Variants in PCM1 observed in about 807,000 individuals in gnomAD.
PCM1 encodes the protein pericentriolar material 1.
Under a neutral mutation model 241.9 loss-of-function variants are expected in PCM1, and 157 were observed. The observed-to-expected ratio is 0.65, with a 90% CI of 0.57 to 0.74. The LOEUF (loss-of-function observed/expected upper bound fraction) is 0.74, where lower values mean the gene tolerates loss of function less well. Ranked by LOEUF, PCM1 falls within the 30% of genes least tolerant of loss-of-function variation. The pLI is 0.00. For missense variants in PCM1, 3,478 were observed against 2,360.1 expected, an observed-to-expected ratio of 1.47 and a Z score of -9.81; for synonymous variants, 1,085 against 784.9, an observed-to-expected ratio of 1.38 and a Z score of -6.39.
intron 18 of PCM1, 58 bp downstream of exon 18, chr8:17,964,826 G>A: frequency 7.7e-7 from 1 of 1,294,508 alleles, no homozygotes; most frequent in Non-Finnish European, 1.1e-6. Context: ...CTTTTTGACT[G>A]ACAGCAAGCA....
At chr8:17,944,017 A>G (rs556623774) in intron 6 of PCM1, among the ~76,000 whole-genome samples, 1 of 152,204 alleles carries the variant, frequency 6.6e-6, no homozygotes. Flanking sequence ...AGATGTCAGA[A>G]GAAGGCAAAA....
At chr8:17,961,735 A>G (rs1030830400) in intron 15 of PCM1, among the ~76,000 whole-genome samples, 1 of 152,072 alleles carries the variant, frequency 6.6e-6, no homozygotes, top group South Asian at 2.1e-4. Flanking sequence ...CTTATCTCCA[A>G]TCTAAATAAT....
At chr8:17,950,845 A>C in intron 8 of PCM1, 121 bp downstream of exon 8, 1 of 662,350 alleles carries the variant, frequency 1.5e-6, no homozygotes, top group Non-Finnish European at 2.6e-6. Flanking sequence ...TAGGTTTCTG[A>C]TTGGTGGGGT....
At chr8:17,964,293 T>C (rs997083146) in intron 17 of PCM1, among the ~76,000 whole-genome samples, 1 of 152,040 alleles carries the variant, frequency 6.6e-6, no homozygotes, top group Non-Finnish European at 1.5e-5. Context: ...CTCAAGCAAA[T>C]GTTAAGGGTA....
intron 13 of PCM1, among the ~76,000 whole-genome samples, chr8:17,959,793 A>G (rs2070777862): frequency 6.6e-6 from 1 of 152,180 alleles, no homozygotes; most frequent in Non-Finnish European, 1.5e-5. Flanking sequence ...CAAATTTCCC[A>G]ATTATAAGAA....
At chr8:17,958,354 C>T (rs1586816455) in intron 13 of PCM1, among the ~76,000 whole-genome samples, 2 of 152,000 alleles carry the variant, frequency 1.3e-5, no homozygotes, top group South Asian at 4.1e-4. Context: ...AAAGTTAGAA[C>T]TATTAATCAT....
intron 3 of PCM1, among the ~76,000 whole-genome samples, chr8:17,936,111 C>G (rs904415442): frequency 4.6e-5 from 7 of 152,184 alleles, no homozygotes; most frequent in Admixed American, 4.6e-4. Flanking sequence ...TATACTGTGG[C>G]TGTCCCATTG....
chr8:18,013,735 C>T (rs2092800782), intron 34 of PCM1: 2 of 433,112 alleles, frequency 4.6e-6, no homozygotes, highest in Non-Finnish European at 4.0e-6. Flanking sequence ...CTGTTCGTTC[C>T]AGTTGTATTA....
At chr8:17,924,003 T>TTTCG (rs1175304659) in intron 1 of PCM1, among the ~76,000 whole-genome samples, 15 of 81,330 alleles carry the variant, frequency 1.8e-4, no homozygotes, top group African/African-American at 6.0e-4. Flanking sequence ...TTTTGTTTTG[T>TTTCG]TTTGTTTTTT....
At chr8:18,019,974 G>C (rs1190325635) in intron 36 of PCM1, among the ~76,000 whole-genome samples, 1 of 152,106 alleles carries the variant, frequency 6.6e-6, no homozygotes, top group Non-Finnish European at 1.5e-5. Context: ...TGGTCTTATG[G>C]GATACTGCAG....
At chr8:17,967,777 C>G (rs2075448695) in intron 21 of PCM1, among the ~76,000 whole-genome samples, 1 of 152,188 alleles carries the variant, frequency 6.6e-6, no homozygotes, top group South Asian at 2.1e-4. Context: ...ATGAATAAGA[C>G]AGTGCTCTCC....
intron 16 of PCM1, chr8:17,962,893 A>G: frequency 2.2e-6 from 1 of 445,436 alleles, no homozygotes; most frequent in Non-Finnish European, 4.0e-6. Flanking sequence ...ACAGAGTGAG[A>G]CTCTGTCTCA....
intron 29 of PCM1, among the ~76,000 whole-genome samples, chr8:17,999,246 T>C (rs2088267196): frequency 6.6e-6 from 1 of 152,102 alleles, no homozygotes; most frequent in Admixed American, 6.5e-5. Context: ...CAGCTCAGTA[T>C]ACGTTGGATC....
At chr8:17,957,861 A>T (rs1167898961) in intron 13 of PCM1, 86 bp downstream of exon 13, 2 of 854,782 alleles carry the variant, frequency 2.3e-6, no homozygotes, top group East Asian at 2.5e-5. Flanking sequence ...ACTTTGGTTT[A>T]ATTATACTAA....
rs779134126 is a variant in PCM1, at chr8:17,957,783, T to C, written c.2040+8T>C. 7.0e-6 allele frequency: 11 copies of C among 1,570,656 alleles called. No homozygotes were observed. Among genetic ancestry groups the C allele is most frequent in the African/African-American group, 5.4e-5 (4 of 73,864 alleles). On this transcript the variant is annotated splice_region_variant and intron_variant, in intron 13 of 38. Coordinates refer to ENST00000325083, the MANE Select transcript of PCM1 (RefSeq NM_006197.4). Reference sequence around the variant, plus strand: ...CTTGTTGCTATGGTACAGGTAAATATTGCTTGGTCTTTTAAAAACCTATTT... The same window carrying C: ...CTTGTTGCTATGGTACAGGTAAATACTGCTTGGTCTTTTAAAAACCTATTT...
At chr8:17,953,373 T>C (rs2066804656) in intron 9 of PCM1, among the ~76,000 whole-genome samples, 187 bp downstream of exon 9, 1 of 152,200 alleles carries the variant, frequency 6.6e-6, no homozygotes, top group Non-Finnish European at 1.5e-5. Flanking sequence ...AGGTGATAAA[T>C]CAGTTTTATA....
Position 17,986,105 on chromosome 8 carries a change from A to C in PCM1, c.4410+18A>C. The C allele has an allele frequency of 6.7e-7, 1 of 1,489,492 alleles. No homozygotes were observed. The allele number at this position is 1,489,492 out of a possible 1,614,324, so 92.3% of individuals were successfully genotyped here. On this transcript the variant is annotated intron_variant, in intron 26 of 38. Coordinates refer to ENST00000325083, the MANE Select transcript of PCM1 (RefSeq NM_006197.4). Reference sequence around the variant, plus strand: ...CTGATGATGTAAGCTGATAATGATTAGTGAATTGTAGATATAATTTTAGTA... The same window carrying C: ...CTGATGATGTAAGCTGATAATGATTCGTGAATTGTAGATATAATTTTAGTA...
At chr8:17,985,343 G>A in intron 24 of PCM1, 104 bp from the exon 25 acceptor site, 2 of 685,948 alleles carry the variant, frequency 2.9e-6, no homozygotes, top group Non-Finnish European at 4.6e-6. Context: ...GTCTAAAATA[G>A]AATTTTTAGA....
intron 6 of PCM1, among the ~76,000 whole-genome samples, chr8:17,942,206 G>T (rs368263447): frequency 6.6e-6 from 1 of 152,222 alleles, no homozygotes; most frequent in African/African-American, 2.4e-5. Flanking sequence ...GGGGCCAGGC[G>T]TGGTAATTCT....
Sources: gnomAD v4.1 joint callset for allele counts (sites outside exome capture counted in the v4.1 genomes callset) on GRCh38, gnomAD v4.1.1 for gene constraint, MANE v1.5 for transcripts, NCBI Gene and HGNC (gene_info 2026-07-23, HGNC 2026-07-21) for gene names.